Variants in ZDHHC20 observed in about 807,000 individuals in gnomAD.
ZDHHC20 encodes zDHHC palmitoyltransferase 20, also known as palmitoyltransferase ZDHHC20.
ZDHHC20 carries 43 observed loss-of-function variants against 57.8 expected under a neutral mutation model. The ratio of observed to expected loss-of-function variants is 0.74; its 90% CI spans 0.58 to 0.96. The LOEUF is 0.96. Among genes scored for constraint, ZDHHC20 ranks in the 40% least tolerant of loss-of-function variants. The probability of loss-of-function intolerance (pLI) is 0.00; values close to 1 mark genes in which losing one functional copy is unlikely to be tolerated. For missense variants in ZDHHC20, 391 were observed against 441.1 expected, an observed-to-expected ratio of 0.89 and a Z score of 1.02; for synonymous variants, 157 against 153.0, an observed-to-expected ratio of 1.03 and a Z score of -0.19.
chr13:21,429,723 T>C (rs911685099), intron 1 of ZDHHC20, among the ~76,000 whole-genome samples: 2 of 152,234 alleles, frequency 1.3e-5, no homozygotes, highest in Non-Finnish European at 2.9e-5. Context: ...ACTCTGATGG[T>C]ACAAATATTA....
At position 21,402,879 on chromosome 13, in the gene ZDHHC20, A is replaced by C. The variant is rs1206602754; in HGVS notation, c.371-13T>G. 2 of 1,573,682 alleles carry C rather than the reference A, an allele frequency of 1.3e-6. No individual in the cohort carries two copies. Among genetic ancestry groups the C allele is most frequent in the Non-Finnish European group, 1.7e-6 (2 of 1,156,686 alleles). ...CAATATCTGATAGCTACATGAAAGA[A>C]GTAAAAGGAAGATGCTGAAGGATGT... On this transcript the variant is annotated splice_polypyrimidine_tract_variant and intron_variant, in intron 4 of 12. Coordinates refer to ENST00000400590, the MANE Select transcript of ZDHHC20 (RefSeq NM_001330059.2).
At chr13:21,411,248 A>G (rs1260161804) in intron 4 of ZDHHC20, among the ~76,000 whole-genome samples, 1 of 152,136 alleles carries the variant, frequency 6.6e-6, no homozygotes, top group Non-Finnish European at 1.5e-5. Context: ...AAATGCAAAA[A>G]TCACCTGCCT....
chr13:21,453,947 T>C (rs1566121294), intron 1 of ZDHHC20, among the ~76,000 whole-genome samples: 2 of 152,144 alleles, frequency 1.3e-5, no homozygotes, highest in Admixed American at 6.5e-5. Context: ...CCTGGGCTCA[T>C]GGTATTCTCC....
rs1024135872 is a variant in ZDHHC20, at chr13:21,376,677, A to G, written c.*41-22T>C. The G allele has an allele frequency of 2.9e-6, 4 of 1,381,436 alleles. No individual in the cohort carries two copies. The East Asian group carries it at 8.0e-5, about 28-fold the overall frequency. 85.6% of individuals were successfully genotyped at this position (1,381,436 alleles called of 1,614,324 possible). On this transcript the variant is annotated intron_variant, in intron 12 of 12. Transcript: ENST00000400590. ...ACACCTACAAAAAAAGAAACAAATT[A>G]TTGGTTAAAACTTGATTTTTTATTT...
In ZDHHC20 at chr13:21,426,435, C is replaced by T. The variant is rs558995266; in HGVS notation, c.119-757G>A. 2.1e-3 allele frequency among the ~76,000 whole-genome samples: 318 copies of T among 152,198 alleles called. 3 individuals carry two copies. Among genetic ancestry groups the T allele is most frequent in the Non-Finnish European group, 3.2e-3 (220 of 67,996 alleles). The stretch of plus-strand genomic sequence containing the variant: ...CAAATGCAACAGCTTAAGGCATCTT[C>T]CTGCAGTCAGTGTAACACACCACCA... On this transcript the variant is annotated intron_variant, in intron 1 of 12. Transcript: ENST00000400590.
intron 1 of ZDHHC20, among the ~76,000 whole-genome samples, chr13:21,435,322 A>C (rs1475885140): frequency 2.0e-5 from 3 of 152,040 alleles, no homozygotes; most frequent in Non-Finnish European, 2.9e-5. Flanking sequence ...ATTTTCTTCT[A>C]ATGCTTGAAT....
intron 1 of ZDHHC20, among the ~76,000 whole-genome samples, chr13:21,432,767 C>T (rs910755162): frequency 6.6e-6 from 1 of 152,198 alleles, no homozygotes; most frequent in African/African-American, 2.4e-5. Context: ...CCATGCCCCC[C>T]CATGTAATCC....
intron 8 of ZDHHC20, among the ~76,000 whole-genome samples, chr13:21,389,794 C>A (rs1483169770): frequency 6.6e-6 from 1 of 152,180 alleles, no homozygotes; most frequent in Admixed American, 6.5e-5. Flanking sequence ...AACGGGCCTA[C>A]TACCACTAGA....
intron 2 of ZDHHC20, among the ~76,000 whole-genome samples, chr13:21,423,793 G>C (rs1179692594): frequency 6.6e-6 from 1 of 151,632 alleles, no homozygotes; most frequent in Non-Finnish European, 1.5e-5. Context: ...CTACTGCTAT[G>C]ATAACACTGA....
chr13:21,458,959 G>A, intron 1 of ZDHHC20, 95 bp downstream of exon 1: 1 of 925,326 alleles, frequency 1.1e-6, no homozygotes, highest in Non-Finnish European at 1.5e-6. Flanking sequence ...GTCCGGCGCT[G>A]GCTCCAGAAA....
chr13:21,446,596 G>T (rs1159359978), intron 1 of ZDHHC20, among the ~76,000 whole-genome samples: 1 of 152,116 alleles, frequency 6.6e-6, no homozygotes, highest in Non-Finnish European at 1.5e-5. Flanking sequence ...TTATTTTAAA[G>T]ACCTATGGAT....
chr13:21,450,757 G>GT (rs759841531), intron 1 of ZDHHC20, among the ~76,000 whole-genome samples: 5,594 of 140,914 alleles, frequency 0.04, 152 homozygotes, highest in African/African-American at 0.089. Flanking sequence ...TAAAAAGGTG[G>GT]TTTTTTTTTT....
intron 12 of ZDHHC20, among the ~76,000 whole-genome samples, chr13:21,378,302 C>T (rs1350460071): frequency 6.6e-6 from 1 of 152,166 alleles, no homozygotes; most frequent in Admixed American, 6.5e-5. Flanking sequence ...TTAAGTGATC[C>T]TCCCACCTTG....
At chr13:21,437,096 A>G (rs1230767083) in intron 1 of ZDHHC20, among the ~76,000 whole-genome samples, 1 of 152,244 alleles carries the variant, frequency 6.6e-6, no homozygotes, top group Non-Finnish European at 1.5e-5. Flanking sequence ...CCAGCCACAA[A>G]CATTCCCTTA....
chr13:21,389,150 A>G (rs1299971589), intron 8 of ZDHHC20, among the ~76,000 whole-genome samples: 1 of 152,184 alleles, frequency 6.6e-6, no homozygotes, highest in Non-Finnish European at 1.5e-5. Flanking sequence ...TAAATGTAGG[A>G]ACTCACTAAA....
intron 7 of ZDHHC20, 61 bp from the exon 8 acceptor site, chr13:21,391,915 T>TCCTAA: frequency 6.5e-7 from 1 of 1,530,040 alleles, no homozygotes; most frequent in Middle Eastern, 1.7e-4. Flanking sequence ...ACAAGTTAGT[T>TCCTAA]CTGTCTAAAG....
chr13:21,402,306 A>G lies in ZDHHC20; in HGVS notation c.440+491T>C, dbSNP rs193216064. Among the ~76,000 whole-genome samples the G allele has an allele frequency of 8.9e-4, 136 of 152,232 alleles. 1 individual carries two copies. The highest frequency in any genetic ancestry group is 7.4e-3 in the Admixed American group (113 of 15,282). On this transcript the variant is annotated intron_variant, in intron 5 of 12. Coordinates refer to ENST00000400590, the MANE Select transcript of ZDHHC20 (RefSeq NM_001330059.2). ...TTACCCTATGCATAAGCACTACTGT[A>G]TTTTTGTAATAAAAAAAACCCACCA...
At chr13:21,458,103 A>C (rs1242068160) in intron 1 of ZDHHC20, among the ~76,000 whole-genome samples, 1 of 152,260 alleles carries the variant, frequency 6.6e-6, no homozygotes, top group Non-Finnish European at 1.5e-5. Context: ...AGACAAAACA[A>C]TGTTGGAGAA....
At position 21,397,615 on chromosome 13, in the gene ZDHHC20, C is replaced by T. The variant is rs553276531; in HGVS notation, c.594+2758G>A. Among the ~76,000 whole-genome samples, 27 of 151,792 alleles carry T rather than the reference C, an allele frequency of 1.8e-4. No individual in the cohort carries two copies. The South Asian group carries it at 2.3e-3, about 13-fold the overall frequency. ...GATTGAAACTGCAGTGAGCCGTGAT[C>T]GCACCACTGCACTCCAGCCTGGGAG... is the stretch of plus-strand genomic sequence containing the variant. On this transcript the variant is annotated intron_variant, in intron 7 of 12. Coordinates refer to ENST00000400590, the MANE Select transcript of ZDHHC20 (RefSeq NM_001330059.2).
Sources: allele counts gnomAD v4.1 joint callset (sites outside exome capture counted in the v4.1 genomes callset), GRCh38; gene constraint gnomAD v4.1.1; transcripts MANE v1.5; gene names NCBI Gene and HGNC (gene_info 2026-07-23, HGNC 2026-07-21).